The following CACNA1B variants were observed in gnomAD, a reference collection of about 807,000 sequenced individuals.
CACNA1B encodes the protein calcium voltage-gated channel subunit alpha1 B.
In CACNA1B, 70 loss-of-function variants were observed where a neutral mutation model predicts 247.2. The observed-to-expected ratio is 0.28, with a 90% CI of 0.23 to 0.35. CACNA1B has a LOEUF of 0.35. Ranked by LOEUF, CACNA1B falls within the 10% of genes least tolerant of loss-of-function variation. CACNA1B has a pLI of 1.00. For synonymous variants in CACNA1B, 1,231 were observed against 1,294.4 expected (o/e 0.95, Z 1.05); for missense variants, 2,367 against 3,197.4 (o/e 0.74, Z 6.26).
chr9:138,010,648 C>G lies in CACNA1B; in HGVS notation c.2160+571C>G, dbSNP rs1170948010. On this transcript the variant is annotated intron_variant, in intron 17 of 46. Coordinates refer to ENST00000371372, the MANE Select transcript of CACNA1B (RefSeq NM_000718.4). The surrounding 1 kb of genome is among the most constrained non-coding windows in gnomAD (Gnocchi z 5.3). ...CTCCTAGTAGAGGTGGTGCTGCCTT[C>G]TGGTTTGGTGTGAACCACGCTGCAA... Among the ~76,000 whole-genome samples, 1 of 152,180 alleles carries G rather than the reference C, an allele frequency of 6.6e-6. No individual in the cohort carries two copies. The highest frequency in any genetic ancestry group is 1.5e-5 in the Non-Finnish European group (1 of 68,014).
chr9:138,074,146 AATC>A, intron 34 of CACNA1B, 80 bp downstream of exon 34: 3 of 981,062 alleles, frequency 3.1e-6, no homozygotes, highest in Non-Finnish European at 4.9e-6. Context: ...ATGATTGTCA[AATC>A]ATCGTCATAA....
chr9:137,895,030 G>C lies in CACNA1B; in HGVS notation c.530+12147G>C, dbSNP rs545296607. On this transcript the variant is annotated intron_variant, in intron 3 of 46. Coordinates refer to ENST00000371372, the MANE Select transcript of CACNA1B (RefSeq NM_000718.4). ...ACATTTTACACATATCAGCTGTGAG[G>C]TTTAGGTTGAGGAGTTTGTTTTGTT... Among the ~76,000 whole-genome samples the C allele has an allele frequency of 2.0e-5, 3 of 152,290 alleles. No individual in the cohort carries two copies. In the South Asian group the frequency reaches 6.2e-4, roughly 32 times the overall value.
At chr9:138,001,893 T>G (rs1221239845) in intron 15 of CACNA1B, among the ~76,000 whole-genome samples, 2 of 152,206 alleles carry the variant, frequency 1.3e-5, no homozygotes, top group Non-Finnish European at 2.9e-5. Context: ...TGAAATGTCA[T>G]TCAAGGCCTT....
rs772482644 is a variant in CACNA1B at position 137,881,556 on chromosome 9, C to T, written c.391-1188C>T. 2.8e-4 allele frequency among the ~76,000 whole-genome samples: 42 copies of T among 152,340 alleles called. No individual in the cohort carries two copies. The highest frequency in any genetic ancestry group is 3.4e-3 in the Middle Eastern group (1 of 294). The stretch of plus-strand genomic sequence containing the variant: ...GCCCTTGAAGCTGGTCTCCTCTCCC[C>T]ACCCCTTCACCTGCTTCCTAAGGCA... On this transcript the variant is annotated intron_variant, in intron 2 of 46. Transcript: ENST00000371372. The surrounding 1 kb of genome is among the most constrained non-coding windows in gnomAD (Gnocchi z 4.3).
intron 20 of CACNA1B, 30 bp from the exon 21 acceptor site, chr9:138,043,744 C>A: frequency 6.2e-7 from 1 of 1,613,444 alleles, no homozygotes. Flanking sequence ...TGCACTACAC[C>A]CCTTACTCGG....
In CACNA1B at chr9:138,100,483, T is replaced by C. The variant is rs1316234254; in HGVS notation, c.5223-2228T>C. Among the ~76,000 whole-genome samples, 1 of 152,064 alleles carries C rather than the reference T, an allele frequency of 6.6e-6. No individual in the cohort carries two copies. The highest frequency in any genetic ancestry group is 1.5e-5 in the Non-Finnish European group (1 of 68,010). ...CTGCCACAACCTTAGCAAACATCTT[T>C]GGTGAGGCCGAGGTGGGGCTTCCTG... On this transcript the variant is annotated intron_variant, in intron 37 of 46. Coordinates refer to ENST00000371372, the MANE Select transcript of CACNA1B (RefSeq NM_000718.4). This position sits in a 1 kb window ranked among gnomAD's most constrained non-coding sequence, Gnocchi z 4.6.
At chr9:138,000,931 G>T (rs1183728667) in intron 15 of CACNA1B, among the ~76,000 whole-genome samples, 1 of 151,726 alleles carries the variant, frequency 6.6e-6, no homozygotes, top group African/African-American at 2.4e-5. Flanking sequence ...TTTTCCCTTG[G>T]TCAGTCTTGC....
chr9:137,905,365 A>C (rs1044471814), intron 3 of CACNA1B, among the ~76,000 whole-genome samples: 2 of 152,130 alleles, frequency 1.3e-5, no homozygotes, highest in East Asian at 1.9e-4. Context: ...AAAAAAAAAA[A>C]AAACTTTTAG....
Position 138,049,355 on chromosome 9 carries a change from C to T in CACNA1B, c.3710+40C>T, listed in dbSNP as rs368457695. The T allele has an allele frequency of 1.3e-5, 17 of 1,267,592 alleles. No homozygotes were observed. The African/African-American group carries it at 2.5e-4, about 19-fold the overall frequency. The allele number at this position is 1,267,592 out of a possible 1,614,324, so 78.5% of individuals were successfully genotyped here. A position where few individuals can be genotyped will look rare whatever the true frequency, so the allele number is the denominator to read the frequency against. On this transcript the variant is annotated intron_variant, in intron 24 of 46. Coordinates refer to ENST00000371372, the MANE Select transcript of CACNA1B (RefSeq NM_000718.4). ...CTCTGCTCTGGCTAGGGAGAGCCCC[C>T]AGAATCACGATGGGCGTGAGGGTGA...
chr9:137,920,615 G>T (rs1023719795), intron 6 of CACNA1B, among the ~76,000 whole-genome samples: 5 of 152,216 alleles, frequency 3.3e-5, no homozygotes, highest in Admixed American at 2.0e-4. Flanking sequence ...TCATCTAGGG[G>T]CATGGGAAGG....
chr9:138,121,810 T>C lies in CACNA1B; in HGVS notation c.6831T>C (p.Thr2277=). The C allele has an allele frequency of 6.2e-7, 1 of 1,613,172 alleles. No homozygotes were observed. The highest frequency in any genetic ancestry group is 8.5e-7 in the Non-Finnish European group (1 of 1,179,834). ...CTGTCCACGCCCTGCCTGAGGACAC[T>C]CTCACTTTCGAGGAGGCTGTGGCCA... ...EASVHALPED[T]LTFEEAVATN... is the part of the protein sequence containing the mutation. The change falls in exon 47 of 47, where the codon ACT becomes ACC. Residue 2277 remains threonine, a synonymous_variant. Coordinates refer to ENST00000371372, the MANE Select transcript of CACNA1B (RefSeq NM_000718.4). This position sits in a 1 kb window ranked among gnomAD's most constrained non-coding sequence, Gnocchi z 6.8.
chr9:138,073,764 T>G lies in CACNA1B; in HGVS notation c.4791+160T>G, dbSNP rs1010535649. The stretch of plus-strand genomic sequence containing the variant: ...TCCTGTTGTCATTTATAAAGACGTT[T>G]TAAGTCATCTGTAGGTTCCCTTGGT... On this transcript the variant is annotated intron_variant, in intron 33 of 46. Coordinates refer to ENST00000371372, the MANE Select transcript of CACNA1B (RefSeq NM_000718.4). The surrounding 1 kb of genome is among the most constrained non-coding windows in gnomAD (Gnocchi z 6.4). Among the ~76,000 whole-genome samples the G allele has an allele frequency of 5.9e-5, 9 of 152,216 alleles. No individual in the cohort carries two copies. The highest frequency in any genetic ancestry group is 2.2e-4 in the African/African-American group (9 of 41,450).
Position 137,952,222 on chromosome 9 carries a change from C to G in CACNA1B, c.967-52C>G, listed in dbSNP as rs1161596492. 3 of 1,447,422 alleles carry G rather than the reference C, an allele frequency of 2.1e-6. No individual in the cohort carries two copies. The East Asian group carries it at 6.8e-5, about 33-fold the overall frequency. The allele number at this position is 1,447,422 out of a possible 1,614,324, so 89.7% of individuals were successfully genotyped here. Reference sequence around the variant, plus strand: ...TGGGGGCTGGGGGTGCTCCTGTGGCCGGGACTGTGTTTTGTCCCTGTCCTT... The same window carrying G: ...TGGGGGCTGGGGGTGCTCCTGTGGCGGGGACTGTGTTTTGTCCCTGTCCTT... On this transcript the variant is annotated intron_variant, in intron 6 of 46. Coordinates refer to ENST00000371372, the MANE Select transcript of CACNA1B (RefSeq NM_000718.4). This position sits in a 1 kb window ranked among gnomAD's most constrained non-coding sequence, Gnocchi z 4.8.
At chr9:137,905,217 G>A (rs1210835151) in intron 3 of CACNA1B, among the ~76,000 whole-genome samples, 2 of 152,056 alleles carry the variant, frequency 1.3e-5, no homozygotes, top group East Asian at 1.9e-4. Context: ...GCCAGGTGTG[G>A]TGGCACGTGC....
intron 10 of CACNA1B, among the ~76,000 whole-genome samples, chr9:137,965,232 G>C (rs1185680140): frequency 6.6e-6 from 1 of 152,254 alleles, no homozygotes; most frequent in Non-Finnish European, 1.5e-5. Context: ...CAGCTGTGCT[G>C]TTTTGGAGAT....
chr9:137,939,803 AAAATAAATAAATAAAT>A (rs756173569), intron 6 of CACNA1B, among the ~76,000 whole-genome samples: 14 of 143,744 alleles, frequency 9.7e-5, no homozygotes, highest in South Asian at 2.2e-4. Context: ...ACTCCGTCTC[AAAATAAATAAATAAAT>A]AAATAAATAA....
At position 137,880,133 on chromosome 9, in the gene CACNA1B, A is replaced by G. The variant is rs1207216616; in HGVS notation, c.390+974A>G. Reference sequence around the variant, plus strand: ...ATTCAGACTTTAGCCCTGAAACTGAACTCCCTTTGAACCTGGGCCACCGCA... The same window carrying G: ...ATTCAGACTTTAGCCCTGAAACTGAGCTCCCTTTGAACCTGGGCCACCGCA... On this transcript the variant is annotated intron_variant, in intron 2 of 46. Transcript: ENST00000371372. This position sits in a 1 kb window ranked among gnomAD's most constrained non-coding sequence, Gnocchi z 4.8. Among the ~76,000 whole-genome samples the G allele has an allele frequency of 1.3e-5, 2 of 152,038 alleles. No individual in the cohort carries two copies. Among genetic ancestry groups the G allele is most frequent in the South Asian group, 4.2e-4 (2 of 4,816 alleles).
intron 3 of CACNA1B, among the ~76,000 whole-genome samples, chr9:137,894,660 G>C (rs1021624955): frequency 3.3e-5 from 5 of 151,940 alleles, no homozygotes; most frequent in African/African-American, 1.2e-4. Flanking sequence ...CGCCCACCTC[G>C]GCCTCCCAAA....
chr9:138,000,629 TC>T (rs763579709), intron 15 of CACNA1B, among the ~76,000 whole-genome samples: 16 of 152,122 alleles, frequency 1.1e-4, no homozygotes, highest in South Asian at 2.1e-4. Context: ...AGGGATGAAA[TC>T]ATTTCATGAG....
Sources: allele counts gnomAD v4.1 joint callset (sites outside exome capture counted in the v4.1 genomes callset), GRCh38; gene constraint gnomAD v4.1.1; non-coding constraint Gnocchi (gnomAD v3.1); transcripts MANE v1.5; gene names NCBI Gene and HGNC (gene_info 2026-07-23, HGNC 2026-07-21).